Variants in SLC35F1 observed in about 807,000 individuals in gnomAD.
SLC35F1 encodes chromosome 6 open reading frame 169.
Under a neutral mutation model 48.7 loss-of-function variants are expected in SLC35F1, and 14 were observed. That is an observed-to-expected ratio of 0.29 (90% CI 0.19 to 0.45). SLC35F1 has a LOEUF of 0.45. Among genes scored for constraint, SLC35F1 ranks in the 20% least tolerant of loss-of-function variants. The probability of loss-of-function intolerance (pLI) is 1.00; values close to 1 mark genes in which losing one functional copy is unlikely to be tolerated. For missense variants in SLC35F1, 404 were observed against 500.0 expected (o/e 0.81, Z 1.83); for synonymous variants, 190 against 202.2 (o/e 0.94, Z 0.51).
At chr6:117,992,700 T>C (rs1776935073) in intron 1 of SLC35F1, among the ~76,000 whole-genome samples, 1 of 152,256 alleles carries the variant, frequency 6.6e-6, no homozygotes, top group African/African-American at 2.4e-5. Flanking sequence ...GAATGGCTTA[T>C]AATTATTTTT....
chr6:118,122,595 T>C (rs1258440790), intron 1 of SLC35F1, among the ~76,000 whole-genome samples: 1 of 152,218 alleles, frequency 6.6e-6, no homozygotes, highest in African/African-American at 2.4e-5. Context: ...GTATACTACC[T>C]TGCCAAACTT....
intron 1 of SLC35F1, among the ~76,000 whole-genome samples, chr6:118,087,506 G>C (rs1241993689): frequency 6.6e-6 from 1 of 151,682 alleles, no homozygotes; most frequent in African/African-American, 2.4e-5. Flanking sequence ...AGTGGTTTTT[G>C]TTGTTTGTTT....
Position 117,923,722 on chromosome 6 carries a change from T to TGCAC in SLC35F1, c.173+15823_173+15824insGCAC, listed in dbSNP as rs1435415564. ...ATACATATATGTACATATATACATATATACATATGTATATATACATATATG... is the reference window on the plus strand; with the variant it reads ...ATACATATATGTACATATATACATATGCACATACATATGTATATATACATATATG... On this transcript the variant is annotated intron_variant, in intron 1 of 7. Transcript: ENST00000360388. Among the ~76,000 whole-genome samples, 35 of 96,168 alleles carry TGCAC rather than the reference T, an allele frequency of 3.6e-4. 2 individuals are homozygous for TGCAC. Among genetic ancestry groups the TGCAC allele is most frequent in the African/African-American group, 1.8e-3 (32 of 18,106 alleles). The allele number at this position is 96,168 out of a possible 152,430, so 63.1% of individuals were successfully genotyped here. A position where few individuals can be genotyped will look rare whatever the true frequency, so the allele number is the denominator to read the frequency against.
intron 1 of SLC35F1, among the ~76,000 whole-genome samples, chr6:117,957,647 T>C (rs1776443574): frequency 6.6e-6 from 1 of 152,194 alleles, no homozygotes. Context: ...ACAGACTGCA[T>C]ATACAGTGGT....
intron 1 of SLC35F1, among the ~76,000 whole-genome samples, chr6:117,973,557 T>G (rs954833136): frequency 9.9e-5 from 15 of 151,842 alleles, no homozygotes; most frequent in Non-Finnish European, 2.1e-4. Flanking sequence ...TTTTGTTTAT[T>G]TATTTATTTA....
chr6:118,214,635 T>A (rs78547582), intron 2 of SLC35F1, among the ~76,000 whole-genome samples: 8,278 of 152,228 alleles, frequency 0.054, 324 homozygotes, highest in African/African-American at 0.11. Context: ...CAAGCACACG[T>A]AGAAACTTGT....
At chr6:118,200,619 T>C (rs565009025) in intron 2 of SLC35F1, among the ~76,000 whole-genome samples, 2 of 152,304 alleles carry the variant, frequency 1.3e-5, no homozygotes, top group East Asian at 3.9e-4. Flanking sequence ...TTTAGGCTTT[T>C]AGCCCAGATT....
At chr6:118,194,686 A>C (rs1478774085) in intron 2 of SLC35F1, among the ~76,000 whole-genome samples, 1 of 152,156 alleles carries the variant, frequency 6.6e-6, no homozygotes, top group Non-Finnish European at 1.5e-5. Context: ...CATTAATCAA[A>C]ACTTTACAGA....
At chr6:118,090,517 G>A (rs368165924) in intron 1 of SLC35F1, among the ~76,000 whole-genome samples, 2 of 152,240 alleles carry the variant, frequency 1.3e-5, no homozygotes. Flanking sequence ...ATGATGAGAA[G>A]GATGGAACCA....
chr6:118,092,697 C>T (rs1394166137), intron 1 of SLC35F1, among the ~76,000 whole-genome samples: 2 of 152,184 alleles, frequency 1.3e-5, no homozygotes, highest in African/African-American at 4.8e-5. Flanking sequence ...CCTCTTGCAT[C>T]AGTGTGCCCT....
intron 1 of SLC35F1, among the ~76,000 whole-genome samples, chr6:118,016,391 A>G (rs866075064): frequency 5.3e-5 from 8 of 152,158 alleles, no homozygotes; most frequent in Non-Finnish European, 1.0e-4. Flanking sequence ...AACATCCCCC[A>G]TGTAACATTG....
chr6:117,921,205 T>A (rs1005330161), intron 1 of SLC35F1, among the ~76,000 whole-genome samples: 8 of 152,168 alleles, frequency 5.3e-5, no homozygotes, highest in African/African-American at 1.9e-4. Context: ...AGAAGAATGA[T>A]TCATTTTTAA....
At chr6:117,908,067 G>A (rs1775716543) in intron 1 of SLC35F1, among the ~76,000 whole-genome samples, 168 bp downstream of exon 1, 1 of 152,224 alleles carries the variant, frequency 6.6e-6, no homozygotes. Flanking sequence ...GAGAGGCCGC[G>A]GCAGCTTTGT....
intron 1 of SLC35F1, among the ~76,000 whole-genome samples, chr6:118,145,029 A>G (rs952804670): frequency 6.6e-6 from 1 of 152,174 alleles, no homozygotes; most frequent in African/African-American, 2.4e-5. Context: ...TTAGTATATT[A>G]GTATTTCGTA....
rs1295642660 is a variant in SLC35F1, at chr6:118,071,201, G to GTA, written c.174-83233_174-83232dup. 3.1e-4 allele frequency among the ~76,000 whole-genome samples: 43 copies of GTA among 138,300 alleles called. No individual in the cohort carries two copies. The East Asian group carries it at 3.6e-3, about 11-fold the overall frequency. 90.7% of individuals were successfully genotyped at this position (138,300 alleles called of 152,430 possible). A position where few individuals can be genotyped will look rare whatever the true frequency, so the allele number is the denominator to read the frequency against. On this transcript the variant is annotated intron_variant, in intron 1 of 7. Coordinates refer to ENST00000360388, the MANE Select transcript of SLC35F1 (RefSeq NM_001029858.4). ...TACTATGTGTGTATATACACACATAGTATATATATATACTATGTGTATATA... is the reference window on the plus strand; with the variant it reads ...TACTATGTGTGTATATACACACATAGTATATATATATATACTATGTGTATATA...
intron 1 of SLC35F1, among the ~76,000 whole-genome samples, chr6:118,075,511 A>T (rs7757090): frequency 6.6e-6 from 1 of 152,152 alleles, no homozygotes; most frequent in Non-Finnish European, 1.5e-5. Flanking sequence ...GCAAAGATTA[A>T]GATGACAAAT....
chr6:118,219,225 G>A (rs1325070281), intron 2 of SLC35F1, among the ~76,000 whole-genome samples: 1 of 152,074 alleles, frequency 6.6e-6, no homozygotes, highest in East Asian at 1.9e-4. Context: ...TAAGTTCTAT[G>A]GAATAGATCT....
chr6:117,923,678 C>CATATGTACATATATACATATGTAT lies in SLC35F1; in HGVS notation c.173+15783_173+15784insGTACATATATACATATGTATATAT, dbSNP rs1562238734. 9.5e-5 allele frequency among the ~76,000 whole-genome samples: 2 copies of CATATGTACATATATACATATGTAT among 20,966 alleles called. 1 individual carries two copies. Among genetic ancestry groups the CATATGTACATATATACATATGTAT allele is most frequent in the African/African-American group, 3.9e-4 (2 of 5,150 alleles). 13.8% of individuals were successfully genotyped at this position (20,966 alleles called of 152,430 possible). A position where few individuals can be genotyped will look rare whatever the true frequency, so the allele number is the denominator to read the frequency against. ...ACATATGTATATATACATATATGTA[C>CATATGTACATATATACATATGTAT]ATATATACATATGTACATATACATA... On this transcript the variant is annotated intron_variant, in intron 1 of 7. Transcript: ENST00000360388.
intron 2 of SLC35F1, among the ~76,000 whole-genome samples, chr6:118,217,651 A>G (rs990273294): frequency 2.0e-5 from 3 of 152,184 alleles, no homozygotes; most frequent in Admixed American, 1.3e-4. Flanking sequence ...ACCACATGGA[A>G]AAAACAATAA....
Sources: allele counts gnomAD v4.1 joint callset (sites outside exome capture counted in the v4.1 genomes callset), GRCh38; gene constraint gnomAD v4.1.1; transcripts MANE v1.5; gene names NCBI Gene and HGNC (gene_info 2026-07-23, HGNC 2026-07-21).